FLNC: variants seen among roughly 807,000 people sequenced by gnomAD.
FLNC encodes the protein filamin C.
FLNC carries 91 observed loss-of-function variants against 254.3 expected under a neutral mutation model. That is an observed-to-expected ratio of 0.36 (90% CI 0.30 to 0.43). FLNC has a LOEUF of 0.43. Ranked by LOEUF, FLNC falls within the 20% of genes least tolerant of loss-of-function variation. FLNC has a pLI of 1.00. For missense variants in FLNC, 2,853 were observed against 3,802.6 expected (o/e 0.75, Z 6.57); for synonymous variants, 1,430 against 1,577.2 (o/e 0.91, Z 2.21).
chr7:128,841,120 A>G lies in FLNC; in HGVS notation c.1814-50A>G. ...CAGCTAGAGGGGAGCTGGGGGACGG[A>G]AGGGTCTTGCCTGATGCTGGATCCC... On this transcript the variant is annotated intron_variant, in intron 11 of 47. Coordinates refer to ENST00000325888, the MANE Select transcript of FLNC (RefSeq NM_001458.5). The surrounding 1 kb of genome is among the most constrained non-coding windows in gnomAD (Gnocchi z 4.3). 2 of 1,600,880 alleles carry G rather than the reference A, an allele frequency of 1.2e-6. No homozygotes were observed. The highest frequency in any genetic ancestry group is 2.2e-5 in the East Asian group (1 of 44,790).
chr7:128,841,078 G>A lies in FLNC; in HGVS notation c.1814-92G>A, dbSNP rs1808312500. 2 of 1,576,080 alleles carry A rather than the reference G, an allele frequency of 1.3e-6. No homozygotes were observed. Among genetic ancestry groups the A allele is most frequent in the Non-Finnish European group, 1.7e-6 (2 of 1,151,780 alleles). ...GCTGGGGAGCGCTGGGGTGAGCAGG[G>A]AGATAGGACATGAGGGCAGCTAGAG... On this transcript the variant is annotated intron_variant, in intron 11 of 47. Transcript: ENST00000325888. The surrounding 1 kb of genome is among the most constrained non-coding windows in gnomAD (Gnocchi z 4.3).
chr7:128,847,428 A>G (rs1808609803), intron 24 of FLNC, among the ~76,000 whole-genome samples: 1 of 152,202 alleles, frequency 6.6e-6, no homozygotes. Context: ...TTTTGAAAAC[A>G]TTTTATTTTC....
chr7:128,858,904 T>G lies in FLNC; in HGVS notation c.*381T>G. 1 of 284,240 alleles carries G rather than the reference T, an allele frequency of 3.5e-6. No individual in the cohort carries two copies. The highest frequency in any genetic ancestry group is 6.8e-6 in the Non-Finnish European group (1 of 146,584). The allele number at this position is 284,240 out of a possible 1,614,324, so 17.6% of individuals were successfully genotyped here. A position where few individuals can be genotyped will look rare whatever the true frequency, so the allele number is the denominator to read the frequency against. Reference sequence around the variant, plus strand: ...TCTGTGTGTGAGGTCACCCTCAAACTGCACCGCCGGCCAGATACCCTCCTG... The same window carrying G: ...TCTGTGTGTGAGGTCACCCTCAAACGGCACCGCCGGCCAGATACCCTCCTG... On this transcript the variant is annotated 3_prime_UTR_variant, in exon 48 of 48. Coordinates refer to ENST00000325888, the MANE Select transcript of FLNC (RefSeq NM_001458.5). This position sits in a 1 kb window ranked among gnomAD's most constrained non-coding sequence, Gnocchi z 6.7.
In FLNC at chr7:128,856,538, C is replaced by CCTTCA. The variant is rs1282812003; in HGVS notation, c.7273_7274insTTCAC (p.Gln2425LeufsTer11). The CCTTCA allele has an allele frequency of 3.1e-6, 5 of 1,612,824 alleles. No homozygotes were observed. The highest frequency in any genetic ancestry group is 4.2e-6 in the Non-Finnish European group (5 of 1,180,016). On this transcript the variant is annotated frameshift_variant, in exon 44 of 48. Coordinates refer to ENST00000325888, the MANE Select transcript of FLNC (RefSeq NM_001458.5). LOFTEE classifies it high-confidence loss of function. The surrounding 1 kb of genome is among the most constrained non-coding windows in gnomAD (Gnocchi z 5.9). ...TGCAGGAGACGGGGCTCAAGGTGAACCAGCCAGCGTCCTTTGCCGTGCAGC... is the reference window on the plus strand; with the variant it reads ...TGCAGGAGACGGGGCTCAAGGTGAACCTTCACAGCCAGCGTCCTTTGCCGTGCAGC...
chr7:128,849,243 G>A (rs1420766565), intron 29 of FLNC, 39 bp downstream of exon 29: 1 of 1,614,142 alleles, frequency 6.2e-7, no homozygotes, highest in Admixed American at 1.7e-5. Context: ...TGTGGGCCAG[G>A]GTGGTTGGCG....
rs200471132 is a variant in FLNC at position 128,837,704 on chromosome 7, C to T, written c.918C>T (p.Gly306=). Residue 306 remains glycine, a synonymous_variant, in exon 5 of 48, where the codon GGC becomes GGT. Coordinates refer to ENST00000325888, the MANE Select transcript of FLNC (RefSeq NM_001458.5). Reference sequence around the variant, plus strand: ...TCACCGTGCAGACGGTGGACGCGGGCGTGGGCGAGGTGCTGGTCTACATCG... The same window carrying T: ...TCACCGTGCAGACGGTGGACGCGGGTGTGGGCGAGGTGCTGGTCTACATCG... The part of the protein sequence containing the change: ...AHFTVQTVDA[G]VGEVLVYIED... The T allele has an allele frequency of 2.1e-5, 33 of 1,608,338 alleles. No homozygotes were observed. In the East Asian group the frequency reaches 6.0e-4, roughly 29 times the overall value.
Position 128,846,281 on chromosome 7 carries a change from C to G in FLNC, c.3965-20C>G. 3 of 1,613,572 alleles carry G rather than the reference C, an allele frequency of 1.9e-6. No individual in the cohort carries two copies. Among genetic ancestry groups the G allele is most frequent in the Non-Finnish European group, 2.5e-6 (3 of 1,179,834 alleles). On this transcript the variant is annotated intron_variant, in intron 22 of 47. Transcript: ENST00000325888. ...GGGGGCGCACACTCCCTGATTGATG[C>G]CCCTGTGGCTGGCTTCCAGGCGTGC...
rs769110628 is a variant in FLNC at position 128,843,419 on chromosome 7, G to A, written c.2653G>A (p.Gly885Arg). The change falls in exon 18 of 48, where the codon GGG (glycine) becomes AGG (arginine). Residue 885 changes from glycine (G) to arginine (R), a missense_variant. Around this residue, in one of 10 missense-constraint regions of FLNC, gnomAD observed 1,573 missense variants for 1,883.5 expected, o/e 0.84. Coordinates refer to ENST00000325888, the MANE Select transcript of FLNC (RefSeq NM_001458.5). The part of the protein sequence containing the change: ...PGLNRTGVEV[G>R]KPTHFTVLTK... ...GGGTGGGTCCTCAGGTGTGGAAGTC[G>A]GGAAGCCCACCCACTTCACGGTGCT... is the stretch of plus-strand genomic sequence containing the variant. The A allele has an allele frequency of 3.3e-5, 53 of 1,613,906 alleles. No individual in the cohort carries two copies. Among genetic ancestry groups the A allele is most frequent in the Non-Finnish European group, 4.2e-5 (50 of 1,180,028 alleles).
At position 128,847,682 on chromosome 7, in the gene FLNC, T is replaced by C; in HGVS notation, c.4289-15T>C. On this transcript the variant is annotated splice_polypyrimidine_tract_variant and intron_variant, in intron 24 of 47. Coordinates refer to ENST00000325888, the MANE Select transcript of FLNC (RefSeq NM_001458.5). ...CAGGGCTGGTGGGCAGGGTCTAATG[T>C]CCTTCTCCTCACAGGGAGCCCGTTC... 1.2e-6 allele frequency: 2 copies of C among 1,613,846 alleles called. No individual in the cohort carries two copies. The highest frequency in any genetic ancestry group is 1.7e-6 in the Non-Finnish European group (2 of 1,179,888).
At chr7:128,844,528 A>G in intron 20 of FLNC, 130 bp from the exon 21 acceptor site, 1 of 983,576 alleles carries the variant, frequency 1.0e-6, no homozygotes, top group Non-Finnish European at 1.6e-6. Context: ...CAATGTCATC[A>G]CCTGGGATTG....
chr7:128,832,105 ACT>A (rs1264041831), intron 1 of FLNC, among the ~76,000 whole-genome samples: 2 of 151,460 alleles, frequency 1.3e-5, no homozygotes, highest in African/African-American at 4.9e-5. Context: ...TGTCAGCCCC[ACT>A]CTCCCTTGGG....
intron 42 of FLNC, 99 bp downstream of exon 42, chr7:128,855,011 C>G: frequency 5.1e-6 from 7 of 1,366,258 alleles, no homozygotes; most frequent in Non-Finnish European, 7.3e-6. Context: ...CCACAGAACT[C>G]CCCTCCCCGG....
intron 9 of FLNC, 47 bp from the exon 10 acceptor site, chr7:128,840,501 A>C (rs1262957612): frequency 1.2e-6 from 2 of 1,613,476 alleles, no homozygotes; most frequent in Admixed American, 3.3e-5. Flanking sequence ...CTGGGACTTC[A>C]AGGATATTGA....
rs768247865 is a variant in FLNC at position 128,838,247 on chromosome 7, C to T, written c.1048-20C>T. On this transcript the variant is annotated intron_variant, in intron 6 of 47. Transcript: ENST00000325888. ...GGACTGCTCTCCCCTAGAAGCTAACCTTTGACCTCTGACCCCTAGGTGACC... is the reference window on the plus strand; with the variant it reads ...GGACTGCTCTCCCCTAGAAGCTAACTTTTGACCTCTGACCCCTAGGTGACC... 1.9e-6 allele frequency: 3 copies of T among 1,613,296 alleles called. No individual in the cohort carries two copies. Among genetic ancestry groups the T allele is most frequent in the African/African-American group, 1.3e-5 (1 of 75,016 alleles).
Position 128,854,326 on chromosome 7 carries a change from AGAG to A in FLNC, c.6728-79_6728-77del, listed in dbSNP as rs927396099. ...CCCGAAGGCCAGGGCAGGTCTGAGC[AGAG>A]GAGGAGGTTTAACTGATGGGGGAGG... On this transcript the variant is annotated intron_variant, in intron 40 of 47. Transcript: ENST00000325888. The A allele has an allele frequency of 2.5e-6, 4 of 1,599,172 alleles. No homozygotes were observed. The African/African-American group carries it at 5.4e-5, about 21-fold the overall frequency.
At chr7:128,854,301 C>A (rs1764794328) in intron 40 of FLNC, 85 bp downstream of exon 40, 1 of 1,604,218 alleles carries the variant, frequency 6.2e-7, no homozygotes, top group African/African-American at 1.3e-5. Context: ...GCAGACTGGC[C>A]CCGAAGGCCA....
rs758720951 is a variant in FLNC at position 128,851,274 on chromosome 7, A to T, written c.5582A>T (p.His1861Leu). 1 of 1,614,078 alleles carries T rather than the reference A, an allele frequency of 6.2e-7. No individual in the cohort carries two copies. The change falls in exon 34 of 48, where the codon CAT becomes CTT. Residue 1861 changes from histidine to leucine, a missense_variant. Coordinates refer to ENST00000325888, the MANE Select transcript of FLNC (RefSeq NM_001458.5). ...QFYVDAINSR[H>L]VSAYGPGLSH... ...TATGTGGATGCCATCAACAGCCGCCATGTCAGTGCCTATGGGCCAGGCCTG... is the reference window on the plus strand; with the variant it reads ...TATGTGGATGCCATCAACAGCCGCCTTGTCAGTGCCTATGGGCCAGGCCTG...
intron 1 of FLNC, among the ~76,000 whole-genome samples, chr7:128,833,110 G>A (rs914464309): frequency 6.6e-6 from 1 of 152,204 alleles, no homozygotes; most frequent in Non-Finnish European, 1.5e-5. Context: ...GGTTAAAGGA[G>A]CTGTGCCCTT....
intron 37 of FLNC, 187 bp downstream of exon 37, chr7:128,853,218 T>C: frequency 1.4e-6 from 1 of 724,102 alleles, no homozygotes; most frequent in South Asian, 1.6e-5. Context: ...TCTCTCCCTT[T>C]TAAGAGAAAG....
Sources: allele counts gnomAD v4.1 joint callset (sites outside exome capture counted in the v4.1 genomes callset), GRCh38; gene constraint gnomAD v4.1.1; regional missense constraint gnomAD v4.1.1; non-coding constraint Gnocchi (gnomAD v3.1); transcripts MANE v1.5; gene names NCBI Gene and HGNC (gene_info 2026-07-23, HGNC 2026-07-21).